The following UMAD1 variants were observed in gnomAD, a reference collection of about 807,000 sequenced individuals.
The protein encoded by UMAD1 is UBAP1-MVB12-associated (UMA)-domain containing protein 1.
A neutral mutation model predicts 6.1 loss-of-function variants in UMAD1; 8 were observed. The observed-to-expected ratio is 1.30, with a 90% CI of 0.76 to 2.35. UMAD1 has a LOEUF of 2.35. UMAD1 is among the 30% of genes most tolerant of loss of function. The probability of loss-of-function intolerance (pLI) is 0.00; values close to 1 mark genes in which losing one functional copy is unlikely to be tolerated. For synonymous variants in UMAD1, 56 were observed against 31.4 expected (o/e 1.78, Z -2.61); for missense variants, 130 against 78.4 (o/e 1.66, Z -2.49).
At chr7:7,758,198 C>T (rs986593707) in intron 2 of UMAD1, among the ~76,000 whole-genome samples, 3 of 152,002 alleles carry the variant, frequency 2.0e-5, no homozygotes, top group Middle Eastern at 3.2e-3. Flanking sequence ...CATGAGCCAC[C>T]GCGTTTGGCC....
At chr7:7,672,293 G>C (rs879936573) in intron 1 of UMAD1, among the ~76,000 whole-genome samples, 1 of 152,116 alleles carries the variant, frequency 6.6e-6, no homozygotes, top group Non-Finnish European at 1.5e-5. Flanking sequence ...TTGTTTTCTA[G>C]AAATTGTTGG....
Position 7,756,272 on chromosome 7 carries a change from T to C in UMAD1, c.83-45398T>C, listed in dbSNP as rs570568182. ...GACATGTGGATTTACACCTGGTGAATTGACCAAAAAAGAGCTTGTTAATGT... is the reference window on the plus strand; with the variant it reads ...GACATGTGGATTTACACCTGGTGAACTGACCAAAAAAGAGCTTGTTAATGT... On this transcript the variant is annotated intron_variant, in intron 2 of 3. Transcript: ENST00000682710. 2.6e-5 allele frequency among the ~76,000 whole-genome samples: 4 copies of C among 152,274 alleles called. No homozygotes were observed. The East Asian group carries it at 7.7e-4, about 29-fold the overall frequency.
intron 2 of UMAD1, among the ~76,000 whole-genome samples, chr7:7,683,302 A>G (rs1052586494): frequency 9.2e-5 from 14 of 152,198 alleles, no homozygotes; most frequent in Admixed American, 7.2e-4. Context: ...GATTCTGATT[A>G]AAAGGTCCTG....
chr7:7,778,912 G>T (rs1043822157), intron 2 of UMAD1, among the ~76,000 whole-genome samples: 1 of 152,094 alleles, frequency 6.6e-6, no homozygotes, highest in Non-Finnish European at 1.5e-5. Context: ...ACTTATTAAG[G>T]GTTTCCTCTG....
intron 3 of UMAD1, among the ~76,000 whole-genome samples, chr7:7,848,384 G>A (rs933034359): frequency 1.3e-5 from 2 of 152,094 alleles, no homozygotes; most frequent in African/African-American, 4.8e-5. Flanking sequence ...GAAGTTACAC[G>A]AGTGTTGGTT....
chr7:7,780,791 C>T (rs1782329887), intron 2 of UMAD1, among the ~76,000 whole-genome samples: 1 of 152,154 alleles, frequency 6.6e-6, no homozygotes, highest in South Asian at 2.1e-4. Context: ...TTGTTCCATG[C>T]ACTTGTAGTT....
intron 2 of UMAD1, among the ~76,000 whole-genome samples, chr7:7,686,220 A>G (rs754087171): frequency 4.6e-5 from 7 of 152,176 alleles, no homozygotes; most frequent in Non-Finnish European, 1.0e-4. Context: ...ATATAGCTTC[A>G]GAAGAATCTG....
At chr7:7,667,921 C>T (rs1699611834) in intron 1 of UMAD1, among the ~76,000 whole-genome samples, 1 of 152,032 alleles carries the variant, frequency 6.6e-6, no homozygotes, top group African/African-American at 2.4e-5. Flanking sequence ...CCTAGTTTTT[C>T]ACTTCAGTTC....
intron 2 of UMAD1, among the ~76,000 whole-genome samples, chr7:7,753,720 G>A (rs1440983422): frequency 6.6e-6 from 1 of 152,188 alleles, no homozygotes; most frequent in East Asian, 1.9e-4. Context: ...CTTGTGAACA[G>A]CGCTGTAACA....
At chr7:7,813,786 A>G (rs1337986620) in intron 3 of UMAD1, among the ~76,000 whole-genome samples, 1 of 152,170 alleles carries the variant, frequency 6.6e-6, no homozygotes, top group East Asian at 1.9e-4. Flanking sequence ...AGAGCTGTAT[A>G]TTTCTACCTC....
At position 7,867,320 on chromosome 7, in the gene UMAD1, G is replaced by A. The variant is rs554466994; in HGVS notation, c.157-9961G>A. ...GTATCTACATACATATTACTTTTGG[G>A]GGAGTGGAAGAGTGGAGCAGTAGGC... On this transcript the variant is annotated intron_variant, in intron 3 of 3. Coordinates refer to ENST00000682710, the MANE Select transcript of UMAD1 (RefSeq NM_001302348.2). Among the ~76,000 whole-genome samples the A allele has an allele frequency of 3.3e-5, 5 of 152,296 alleles. No homozygotes were observed. In the East Asian group the frequency reaches 9.6e-4, roughly 29 times the overall value.
chr7:7,770,371 C>T (rs943245098), intron 2 of UMAD1, among the ~76,000 whole-genome samples: 2 of 152,158 alleles, frequency 1.3e-5, no homozygotes, highest in South Asian at 4.1e-4. Context: ...GACTCTCATT[C>T]CTTTCTTACC....
At chr7:7,870,941 T>C (rs1380085120) in intron 3 of UMAD1, among the ~76,000 whole-genome samples, 1 of 152,228 alleles carries the variant, frequency 6.6e-6, no homozygotes, top group Non-Finnish European at 1.5e-5. Flanking sequence ...AACTAATTTT[T>C]AAAAACTTAA....
rs58039932 is a variant in UMAD1, at chr7:7,777,574, A to AATATATATATATATATATATATAT, written c.83-24091_83-24068dup. On this transcript the variant is annotated intron_variant, in intron 2 of 3. Transcript: ENST00000682710. ...ATTTATGTCATTTCATACATGAGCA[A>AATATATATATATATATATATATAT]ATATATATATATATATATATATATA... Among the ~76,000 whole-genome samples the AATATATATATATATATATATATAT allele has an allele frequency of 3.6e-3, 407 of 113,384 alleles. 11 individuals are homozygous for AATATATATATATATATATATATAT. Among genetic ancestry groups the AATATATATATATATATATATATAT allele is most frequent in the African/African-American group, 6.6e-3 (167 of 25,356 alleles). 74.4% of individuals were successfully genotyped at this position (113,384 alleles called of 152,430 possible).
intron 2 of UMAD1, among the ~76,000 whole-genome samples, chr7:7,763,869 G>GT (rs1410382646): frequency 6.6e-6 from 1 of 152,158 alleles, no homozygotes; most frequent in Non-Finnish European, 1.5e-5. Context: ...ACATTATCTG[G>GT]TTTTCCTTTG....
At chr7:7,811,180 T>C (rs1309239005) in intron 3 of UMAD1, among the ~76,000 whole-genome samples, 2 of 152,178 alleles carry the variant, frequency 1.3e-5, no homozygotes, top group Admixed American at 6.5e-5. Context: ...TTTAAAGATA[T>C]GAATTTCTAG....
intron 1 of UMAD1, among the ~76,000 whole-genome samples, chr7:7,644,776 G>A (rs1373501757): frequency 6.6e-6 from 1 of 152,096 alleles, no homozygotes; most frequent in Non-Finnish European, 1.5e-5. Context: ...GTCTGGGGCT[G>A]TGTTCTCGGG....
intron 2 of UMAD1, among the ~76,000 whole-genome samples, chr7:7,679,883 A>G (rs1420562548): frequency 6.6e-6 from 1 of 151,206 alleles, no homozygotes; most frequent in African/African-American, 2.4e-5. Flanking sequence ...TTAAAATTGG[A>G]TTATTTTATT....
intron 2 of UMAD1, among the ~76,000 whole-genome samples, chr7:7,792,062 A>G (rs754203052): frequency 1.3e-4 from 20 of 152,218 alleles, no homozygotes; most frequent in Non-Finnish European, 2.5e-4. Context: ...TCCCACCTAC[A>G]GTCAAATCAA....
Sources: gnomAD v4.1 joint callset for allele counts (sites outside exome capture counted in the v4.1 genomes callset) on GRCh38, gnomAD v4.1.1 for gene constraint, MANE v1.5 for transcripts, NCBI Gene and HGNC (gene_info 2026-07-23, HGNC 2026-07-21) for gene names.